The following GPR89B variants were observed in gnomAD, a reference collection of about 807,000 sequenced individuals.
GPR89B encodes the protein golgi pH regulator B.
GPR89B carries 25 observed loss-of-function variants against 52.4 expected under a neutral mutation model. The ratio of observed to expected loss-of-function variants is 0.48; its 90% CI spans 0.35 to 0.67. The LOEUF (loss-of-function observed/expected upper bound fraction) is 0.67. GPR89B is among the 30% of genes least tolerant of loss of function. The pLI, the probability that GPR89B is intolerant of heterozygous loss-of-function variation, is 0.01. For synonymous variants in GPR89B, 52 were observed against 151.2 expected, an observed-to-expected ratio of 0.34 and a Z score of 4.81; for missense variants, 146 against 450.2, an observed-to-expected ratio of 0.32 and a Z score of 6.11.
the GPR89B span, among the ~76,000 whole-genome samples, chr1:148,000,565 G>T: frequency 1.0e-4 from 15 of 150,338 alleles, no homozygotes; most frequent in East Asian, 2.8e-3. Flanking sequence ...TCTAAGCTTC[G>T]GTTTCCTAAT....
chr1:147,997,062 G>A (rs1257052128), downstream of GPR89B, among the ~76,000 whole-genome samples: 282 of 152,340 alleles, frequency 1.9e-3, no homozygotes, highest in Non-Finnish European at 3.2e-3. Flanking sequence ...ATGATAGTGA[G>A]CAAGTCACTG....
the GPR89B span, among the ~76,000 whole-genome samples, chr1:148,004,925 AT>A: frequency 2.1e-4 from 25 of 116,684 alleles, no homozygotes; most frequent in Non-Finnish European, 1.9e-4. Context: ...ACACACACAC[AT>A]AAAAATTAGC....
intron 7 of GPR89B, among the ~76,000 whole-genome samples, chr1:147,956,848 C>T (rs1301333241): frequency 1.1e-4 from 17 of 151,828 alleles, no homozygotes; most frequent in African/African-American, 4.1e-4. Context: ...AGCAATTCTC[C>T]TGCCTCAGCC....
At chr1:147,932,011 C>T (rs1365800861) in intron 1 of GPR89B, among the ~76,000 whole-genome samples, 2 of 151,988 alleles carry the variant, frequency 1.3e-5, no homozygotes, top group African/African-American at 4.8e-5. Context: ...TTCTTCCATT[C>T]CCCTCCCCAC....
chr1:147,981,753 A>G (rs1353181038), intron 10 of GPR89B, among the ~76,000 whole-genome samples: 1 of 151,470 alleles, frequency 6.6e-6, no homozygotes, highest in Non-Finnish European at 1.5e-5. Context: ...CCTGGGTTCA[A>G]GCGATTCTCC....
intron 12 of GPR89B, among the ~76,000 whole-genome samples, chr1:147,988,975 T>C (rs1460480445): frequency 7.4e-6 from 1 of 135,990 alleles, no homozygotes; most frequent in Non-Finnish European, 1.6e-5. Context: ...CAGAATTTTT[T>C]AAAAGTTAAA....
the GPR89B span, among the ~76,000 whole-genome samples, chr1:148,000,796 CAA>C: frequency 1.1e-4 from 13 of 114,718 alleles, no homozygotes; most frequent in African/African-American, 3.5e-4. Context: ...AAAAAAAAAA[CAA>C]CAACAAAAAA....
At chr1:147,941,392 T>C (rs587668980) in intron 3 of GPR89B, among the ~76,000 whole-genome samples, 10 of 152,314 alleles carry the variant, frequency 6.6e-5, no homozygotes, top group African/African-American at 1.9e-4. Context: ...AGCTTGTTTC[T>C]TTCTCTAAAT....
At chr1:147,964,183 T>C (rs1441923940) in intron 7 of GPR89B, among the ~76,000 whole-genome samples, 13 of 151,172 alleles carry the variant, frequency 8.6e-5, no homozygotes, top group Non-Finnish European at 1.2e-4. Context: ...AAAGGGTACA[T>C]GGAATCTCTG....
At position 147,936,631 on chromosome 1, in the gene GPR89B, T is replaced by C. The variant is rs587632867; in HGVS notation, c.47T>C (p.Leu16Pro). The C allele has an allele frequency of 1.2e-6, 2 of 1,611,212 alleles. No individual in the cohort carries two copies. The highest frequency in any genetic ancestry group is 2.7e-5 in the African/African-American group (2 of 75,002). ...DSSIMITSQILFFGFGWLFFM... is the reference protein window; with the variant it reads ...DSSIMITSQIPFFGFGWLFFM... ...TCTATCTTCTTTCTCCTCCAGATAC[T>C]ATTTTTTGGATTTGGGTGGCTTTTC... The change falls in exon 2 of 14, where the codon CTA becomes CCA. Residue 16 changes from leucine (L) to proline (P), a missense_variant. Transcript: ENST00000314163.
At chr1:148,007,086 T>TC in the GPR89B span, among the ~76,000 whole-genome samples, 1 of 150,620 alleles carries the variant, frequency 6.6e-6, no homozygotes, top group African/African-American at 2.4e-5. Flanking sequence ...GCTTTTTTTT[T>TC]TTTTTTTGAG....
At position 147,990,542 on chromosome 1, in the gene GPR89B, T is replaced by G. The variant is rs1185064735; in HGVS notation, c.1096-1960T>G. 5.9e-5 allele frequency among the ~76,000 whole-genome samples: 9 copies of G among 152,252 alleles called. No homozygotes were observed. In the East Asian group the frequency reaches 7.7e-4, roughly 13 times the overall value. ...CTTGCCCATGCCTATGTCCTGAATG[T>G]TATTGCCTAGGTTTTCTTCTAGGGT... On this transcript the variant is annotated intron_variant, in intron 12 of 13. Coordinates refer to ENST00000314163, the MANE Select transcript of GPR89B (RefSeq NM_016334.5).
At chr1:147,951,735 C>T (rs1553251098) in intron 5 of GPR89B, among the ~76,000 whole-genome samples, 1 of 151,770 alleles carries the variant, frequency 6.6e-6, no homozygotes, top group Non-Finnish European at 1.5e-5. Context: ...CTTTGCTTAC[C>T]CCCCTGGCAG....
At chr1:148,018,658 CATTATT>C in the GPR89B span, among the ~76,000 whole-genome samples, 2 of 150,050 alleles carry the variant, frequency 1.3e-5, no homozygotes, top group African/African-American at 2.5e-5. Flanking sequence ...AAGCAGTGCA[CATTATT>C]ATTATTATTA....
At chr1:147,960,853 CATAAA>C (rs1414678172) in intron 7 of GPR89B, among the ~76,000 whole-genome samples, 3 of 151,290 alleles carry the variant, frequency 2.0e-5, no homozygotes, top group African/African-American at 4.9e-5. Context: ...TGTCTCAAAA[CATAAA>C]ATAAAAATAA....
intron 2 of GPR89B, among the ~76,000 whole-genome samples, chr1:147,938,072 C>A (rs1347930759): frequency 6.6e-6 from 1 of 152,060 alleles, no homozygotes; most frequent in Admixed American, 6.6e-5. Flanking sequence ...GCGGCTTCAG[C>A]CAGTCCCTCC....
chr1:147,994,191 T>A, downstream of GPR89B: 1 of 1,544,592 alleles, frequency 6.5e-7, no homozygotes, highest in Non-Finnish European at 8.8e-7. Flanking sequence ...GTGGAGTTTT[T>A]CTTCTAAAGA....
At chr1:148,008,615 G>C in the GPR89B span, among the ~76,000 whole-genome samples, 2 of 152,294 alleles carry the variant, frequency 1.3e-5, no homozygotes, top group East Asian at 3.9e-4. Context: ...AGCTCCTCTG[G>C]TTCCAACCAA....
At chr1:148,010,685 C>T in the GPR89B span, 1 of 152,192 alleles carries the variant, frequency 6.6e-6, no homozygotes, top group African/African-American at 2.4e-5. Flanking sequence ...AACACCAAGG[C>T]ATGGGTTGGC....
Sources: gnomAD v4.1 joint callset for allele counts (sites outside exome capture counted in the v4.1 genomes callset) on GRCh38, gnomAD v4.1.1 for gene constraint, MANE v1.5 for transcripts, NCBI Gene and HGNC (gene_info 2026-07-23, HGNC 2026-07-21) for gene names.